The following SPIN1 variants were observed in gnomAD, a reference collection of about 807,000 sequenced individuals.
The protein encoded by SPIN1 is spindlin-1.
SPIN1 carries 3 observed loss-of-function variants against 26.0 expected under a neutral mutation model. The observed-to-expected ratio is 0.12, with a 90% CI of 0.05 to 0.30. The LOEUF (loss-of-function observed/expected upper bound fraction) is 0.30, where lower values mean the gene tolerates loss of function less well. Among genes scored for constraint, SPIN1 ranks in the 10% least tolerant of loss-of-function variants. SPIN1 has a pLI of 1.00. For missense variants in SPIN1, 126 were observed against 333.4 expected (o/e 0.38, Z 4.84); for synonymous variants, 101 against 116.5 (o/e 0.87, Z 0.86).
chr9:88,410,582 A>G (rs1202807652), intron 1 of SPIN1: 1 of 851,036 alleles, frequency 1.2e-6, no homozygotes, highest in East Asian at 2.4e-5. Context: ...CCACCATAGT[A>G]GCCACCGTGG....
At position 88,411,998 on chromosome 9, in the gene SPIN1, C is replaced by T. The variant is rs546891378; in HGVS notation, c.-158-14384C>T. ...CATCCTGGCTAGTGCGGTGAAACCC[C>T]GTCTCTACTAAAAATACAAAAAAAA... On this transcript the variant is annotated intron_variant, in intron 1 of 5. Coordinates refer to ENST00000375859, the MANE Select transcript of SPIN1 (RefSeq NM_006717.3). Among the ~76,000 whole-genome samples, 12 of 150,246 alleles carry T rather than the reference C, an allele frequency of 8.0e-5. No individual in the cohort carries two copies. The South Asian group carries it at 1.3e-3, about 16-fold the overall frequency.
intron 2 of SPIN1, among the ~76,000 whole-genome samples, chr9:88,431,800 A>G (rs1827877985): frequency 6.6e-6 from 1 of 152,170 alleles, no homozygotes; most frequent in African/African-American, 2.4e-5. Context: ...CTATAATCCC[A>G]GCGCTTTGGG....
chr9:88,398,422 G>A (rs1398197141), intron 1 of SPIN1, among the ~76,000 whole-genome samples: 3 of 151,960 alleles, frequency 2.0e-5, no homozygotes, highest in African/African-American at 7.2e-5. Context: ...TACTTTTCTG[G>A]TATCTAGCTC....
intron 1 of SPIN1, among the ~76,000 whole-genome samples, chr9:88,407,690 G>T (rs1246313302): frequency 1.3e-5 from 2 of 148,734 alleles, no homozygotes; most frequent in South Asian, 2.1e-4. Context: ...TGTATCTTCA[G>T]TTTTCATTTT....
intron 5 of SPIN1, among the ~76,000 whole-genome samples, chr9:88,472,504 T>A (rs936575143): frequency 9.2e-5 from 14 of 152,054 alleles, no homozygotes; most frequent in African/African-American, 3.4e-4. Context: ...TTTATTTATT[T>A]ATTTTTTGAG....
At position 88,473,981 on chromosome 9, in the gene SPIN1, T is replaced by A. The variant is rs577497380; in HGVS notation, c.590-1097T>A. 1.2e-3 allele frequency among the ~76,000 whole-genome samples: 184 copies of A among 152,344 alleles called. 1 individual carries two copies. Among genetic ancestry groups the A allele is most frequent in the Middle Eastern group, 6.8e-3 (2 of 294 alleles). On this transcript the variant is annotated intron_variant, in intron 5 of 5. Coordinates refer to ENST00000375859, the MANE Select transcript of SPIN1 (RefSeq NM_006717.3). ...ATGTTTTATTTTTATTTCTTGTGAC[T>A]CTTAGTACCAGAGATCACAGTAGCA...
At chr9:88,448,236 G>T (rs1159733296) in intron 2 of SPIN1, among the ~76,000 whole-genome samples, 1 of 152,006 alleles carries the variant, frequency 6.6e-6, no homozygotes, top group African/African-American at 2.4e-5. Context: ...GAGAGACAGG[G>T]TTTCACCATC....
intron 2 of SPIN1, among the ~76,000 whole-genome samples, chr9:88,426,976 T>C (rs920213966): frequency 1.1e-4 from 16 of 152,232 alleles, no homozygotes; most frequent in African/African-American, 3.9e-4. Flanking sequence ...TTCTTGTGTT[T>C]ACTTGAAAGA....
At chr9:88,435,609 CT>C (rs1358433787) in intron 2 of SPIN1, among the ~76,000 whole-genome samples, 1 of 152,188 alleles carries the variant, frequency 6.6e-6, no homozygotes, top group Non-Finnish European at 1.5e-5. Context: ...GTGATCTTGG[CT>C]TGTAAGGGCC....
chr9:88,423,756 T>G (rs536936465), intron 1 of SPIN1, among the ~76,000 whole-genome samples: 1 of 147,326 alleles, frequency 6.8e-6, no homozygotes, highest in South Asian at 2.1e-4. Flanking sequence ...AAAAAGCTCT[T>G]GATCTTCTTT....
At chr9:88,451,372 G>C (rs551497129) in intron 3 of SPIN1, among the ~76,000 whole-genome samples, 2 of 152,318 alleles carry the variant, frequency 1.3e-5, no homozygotes, top group East Asian at 3.9e-4. Context: ...AGTCTGGTGT[G>C]AAGTACTGAG....
At chr9:88,441,431 A>ATGTGTGTGTGTGTGTGTG (rs927476863) in intron 2 of SPIN1, among the ~76,000 whole-genome samples, 3 of 93,308 alleles carry the variant, frequency 3.2e-5, no homozygotes, top group African/African-American at 1.3e-4. Context: ...GCGCGCGCCC[A>ATGTGTGTGTGTGTGTGTG]TGTGTGTGTA....
chr9:88,478,142 CTG>C lies in SPIN1; in HGVS notation c.*2869_*2870del, dbSNP rs1277940184. Reference sequence around the variant, plus strand: ...AAATGTCATGCAGCATTTGAAGGGACTGTGTTTTCTTAAAAAAAAATCACAGT... The same window carrying C: ...AAATGTCATGCAGCATTTGAAGGGACTGTTTTCTTAAAAAAAAATCACAGT... On this transcript the variant is annotated 3_prime_UTR_variant, in exon 6 of 6. Coordinates refer to ENST00000375859, the MANE Select transcript of SPIN1 (RefSeq NM_006717.3). The C allele has an allele frequency of 1.3e-5, 2 of 152,360 alleles. No individual in the cohort carries two copies. Among genetic ancestry groups the C allele is most frequent in the African/African-American group, 2.4e-5 (1 of 41,426 alleles). 9.4% of individuals were successfully genotyped at this position (152,360 alleles called of 1,614,324 possible).
chr9:88,438,434 TTTAAA>T (rs1443518188), intron 2 of SPIN1, among the ~76,000 whole-genome samples: 1 of 152,200 alleles, frequency 6.6e-6, no homozygotes, highest in African/African-American at 2.4e-5. Context: ...TTTGTATTCT[TTTAAA>T]TTTGTGAAAC....
At chr9:88,470,917 G>C (rs940543764) in intron 5 of SPIN1, among the ~76,000 whole-genome samples, 1 of 152,290 alleles carries the variant, frequency 6.6e-6, no homozygotes, top group African/African-American at 2.4e-5. Context: ...AATATCATCT[G>C]TGGTGAAATG....
At chr9:88,411,040 G>GCC in intron 1 of SPIN1, 1 of 1,583,872 alleles carries the variant, frequency 6.3e-7, no homozygotes, top group Non-Finnish European at 8.6e-7. Flanking sequence ...TCTTGCCACT[G>GCC]CCTCGGTCAG....
intron 2 of SPIN1, among the ~76,000 whole-genome samples, chr9:88,439,455 G>A (rs549957935): frequency 1.1e-4 from 17 of 152,300 alleles, no homozygotes; most frequent in Admixed American, 1.1e-3. Flanking sequence ...GGGGTATATA[G>A]AAGGTTTATA....
rs549310625 is a variant in SPIN1 at position 88,439,891 on chromosome 9, T to G, written c.53-9050T>G. On this transcript the variant is annotated intron_variant, in intron 2 of 5. Transcript: ENST00000375859. ...CTTTATAGTTAAAGTGGATTTCTTG[T>G]ATCTAGCATGAAGTTGCATGTTGTT... Among the ~76,000 whole-genome samples, 9 of 152,352 alleles carry G rather than the reference T, an allele frequency of 5.9e-5. No individual in the cohort carries two copies. The South Asian group carries it at 1.9e-3, about 32-fold the overall frequency.
intron 1 of SPIN1, among the ~76,000 whole-genome samples, chr9:88,393,297 TA>T (rs1328566220): frequency 6.6e-6 from 1 of 151,888 alleles, no homozygotes; most frequent in African/African-American, 2.4e-5. Flanking sequence ...ATTTTTTTTT[TA>T]AAACTAGGTT....
Sources: allele counts gnomAD v4.1 joint callset (sites outside exome capture counted in the v4.1 genomes callset), GRCh38; gene constraint gnomAD v4.1.1; transcripts MANE v1.5; gene names NCBI Gene and HGNC (gene_info 2026-07-23, HGNC 2026-07-21).